OR9Q1: variants seen among roughly 807,000 people sequenced by gnomAD.
OR9Q1 encodes the protein olfactory receptor 9Q1.
For synonymous variants in OR9Q1, 153 were observed against 148.6 expected (o/e 1.03, Z -0.22); for missense variants, 374 against 378.8 (o/e 0.99, Z 0.11).
intron 2 of OR9Q1, among the ~76,000 whole-genome samples, chr11:58,074,495 C>G (rs947537720): frequency 6.0e-5 from 9 of 149,616 alleles, no homozygotes; most frequent in African/African-American, 2.2e-4. Context: ...CTTGTAGATT[C>G]TGGATATTAG....
At chr11:58,158,652 C>T (rs891856120) in intron 2 of OR9Q1, among the ~76,000 whole-genome samples, 1 of 152,084 alleles carries the variant, frequency 6.6e-6, no homozygotes, top group Non-Finnish European at 1.5e-5. Flanking sequence ...CAAGGTGGTT[C>T]CATCTTCCAG....
At chr11:58,032,000 C>G (rs1853046316) in intron 1 of OR9Q1, 1 of 674,964 alleles carries the variant, frequency 1.5e-6, no homozygotes, top group Non-Finnish European at 2.5e-6. Flanking sequence ...GAATGCAGTT[C>G]CATTTATAAC....
chr11:58,027,522 C>G (rs1852987320), intron 1 of OR9Q1, among the ~76,000 whole-genome samples: 1 of 152,130 alleles, frequency 6.6e-6, no homozygotes, highest in Admixed American at 6.5e-5. Context: ...GCGGAAACTG[C>G]CTGTGGCTCA....
At chr11:58,118,229 T>A (rs766622734) in intron 2 of OR9Q1, 11 of 286,116 alleles carry the variant, frequency 3.8e-5, no homozygotes, top group Non-Finnish European at 7.2e-5. Flanking sequence ...TCCTGGGATC[T>A]GAGATTCTAT....
chr11:58,041,579 G>T, intron 1 of OR9Q1: 1 of 152,682 alleles, frequency 6.5e-6, no homozygotes, highest in Non-Finnish European at 1.5e-5. Flanking sequence ...GCTGTGTCAA[G>T]GGGCTTGTGA....
At chr11:58,094,213 T>C (rs1282222918) in intron 2 of OR9Q1, among the ~76,000 whole-genome samples, 1 of 152,154 alleles carries the variant, frequency 6.6e-6, no homozygotes, top group Non-Finnish European at 1.5e-5. Context: ...TACTGAATGT[T>C]CTTACTTATA....
intron 1 of OR9Q1, among the ~76,000 whole-genome samples, chr11:58,027,175 C>T (rs182438700): frequency 6.6e-6 from 1 of 152,264 alleles, no homozygotes; most frequent in Non-Finnish European, 1.5e-5. Context: ...CCACGCATGC[C>T]CAACCAAACC....
In OR9Q1 at chr11:58,112,511, T is replaced by G. The variant is rs543435749; in HGVS notation, c.-15+56564T>G. On this transcript the variant is annotated intron_variant, in intron 2 of 2. Transcript: ENST00000335397. ...TTCCTAGAAGGGCCATACCTTTTAG[T>G]CCAGCCCTGGACATGTCCCGTTGGA... 3.3e-5 allele frequency among the ~76,000 whole-genome samples: 5 copies of G among 152,258 alleles called. No homozygotes were observed. In the South Asian group the frequency reaches 1.0e-3, roughly 32 times the overall value.
At chr11:58,141,473 T>C (rs1243014837) in intron 2 of OR9Q1, among the ~76,000 whole-genome samples, 2 of 152,242 alleles carry the variant, frequency 1.3e-5, no homozygotes, top group East Asian at 3.8e-4. Context: ...TCTATTGAGA[T>C]AATCATATGG....
intron 2 of OR9Q1, among the ~76,000 whole-genome samples, chr11:58,094,512 A>G (rs1853712967): frequency 6.6e-6 from 1 of 152,154 alleles, no homozygotes; most frequent in African/African-American, 2.4e-5. Context: ...GAATTTAAAT[A>G]CTCACAATAA....
intron 2 of OR9Q1, chr11:58,073,188 C>T (rs977035442): frequency 1.8e-5 from 4 of 224,774 alleles, no homozygotes; most frequent in Non-Finnish European, 3.9e-5. Flanking sequence ...AATGACAAAC[C>T]GGCATCCATG....
At chr11:58,149,461 C>T (rs1037041764) in intron 2 of OR9Q1, among the ~76,000 whole-genome samples, 1 of 152,122 alleles carries the variant, frequency 6.6e-6, no homozygotes, top group Non-Finnish European at 1.5e-5. Context: ...AACATGGAAA[C>T]TTAAGTGGTT....
At chr11:58,028,095 A>G (rs1187553240) in intron 1 of OR9Q1, among the ~76,000 whole-genome samples, 1 of 149,734 alleles carries the variant, frequency 6.7e-6, no homozygotes, top group Non-Finnish European at 1.5e-5. Flanking sequence ...GCTCTGTGCC[A>G]GGCCCCATGG....
chr11:58,163,101 A>G (rs1854470934), intron 2 of OR9Q1, among the ~76,000 whole-genome samples: 1 of 152,242 alleles, frequency 6.6e-6, no homozygotes, highest in African/African-American at 2.4e-5. Context: ...AAATGAAGCC[A>G]GGGTCAGAAG....
chr11:58,120,969 C>T lies in OR9Q1; in HGVS notation c.-14-58462C>T, dbSNP rs1195159820. Among the ~76,000 whole-genome samples, 4 of 151,904 alleles carry T rather than the reference C, an allele frequency of 2.6e-5. No homozygotes were observed. In the East Asian group the frequency reaches 7.7e-4, roughly 29 times the overall value. ...CTTTTATCCCATTCATATGGGAATGCTTGCTAATTTAAGTCTTCTCTATAT... is the reference window on the plus strand; with the variant it reads ...CTTTTATCCCATTCATATGGGAATGTTTGCTAATTTAAGTCTTCTCTATAT... On this transcript the variant is annotated intron_variant, in intron 2 of 2. Coordinates refer to ENST00000335397, the MANE Select transcript of OR9Q1 (RefSeq NM_001005212.4).
intron 2 of OR9Q1, among the ~76,000 whole-genome samples, chr11:58,071,603 G>A (rs949611007): frequency 3.9e-5 from 6 of 152,206 alleles, no homozygotes; most frequent in South Asian, 2.1e-4. Flanking sequence ...GGCCAATGGC[G>A]TAAAAGGACT....
chr11:58,058,612 C>T (rs1008677805), intron 2 of OR9Q1, among the ~76,000 whole-genome samples: 7 of 152,140 alleles, frequency 4.6e-5, no homozygotes, highest in South Asian at 2.1e-4. Flanking sequence ...GAAGGGCCCC[C>T]GCCAGGAGTC....
At chr11:58,175,447 C>T (rs1854596419) in intron 2 of OR9Q1, among the ~76,000 whole-genome samples, 1 of 152,112 alleles carries the variant, frequency 6.6e-6, no homozygotes, top group Non-Finnish European at 1.5e-5. Flanking sequence ...CTGCGAAGCC[C>T]TCCCCAGTTT....
chr11:58,148,029 A>G (rs1022172409), intron 2 of OR9Q1, among the ~76,000 whole-genome samples: 3 of 152,100 alleles, frequency 2.0e-5, no homozygotes, highest in Non-Finnish European at 2.9e-5. Flanking sequence ...GCCTCAATTT[A>G]CCAACAATGA....
Sources: gnomAD v4.1 joint callset for allele counts (sites outside exome capture counted in the v4.1 genomes callset) on GRCh38, gnomAD v4.1.1 for gene constraint, MANE v1.5 for transcripts, NCBI Gene and HGNC (gene_info 2026-07-23, HGNC 2026-07-21) for gene names.